ST3GAL6: variants seen among roughly 807,000 people sequenced by gnomAD.
ST3GAL6 encodes ST3 beta-galactoside alpha-2,3-sialyltransferase 6, also known as type 2 lactosamine alpha-2,3-sialyltransferase.
A neutral mutation model predicts 40.5 loss-of-function variants in ST3GAL6; 31 were observed. The ratio of observed to expected loss-of-function variants is 0.77; its 90% CI spans 0.58 to 1.03. The LOEUF (loss-of-function observed/expected upper bound fraction) is 1.03, where lower values mean the gene tolerates loss of function less well. Among genes scored for constraint, ST3GAL6 ranks in the 50% least tolerant of loss-of-function variants. The probability of loss-of-function intolerance (pLI) is 0.00; values close to 1 mark genes in which losing one functional copy is unlikely to be tolerated. For missense variants in ST3GAL6, 357 were observed against 393.2 expected (o/e 0.91, Z 0.78); for synonymous variants, 129 against 136.9 (o/e 0.94, Z 0.40).
intron 8 of ST3GAL6, among the ~76,000 whole-genome samples, chr3:98,789,339 G>T (rs188971461): frequency 6.0e-4 from 91 of 152,282 alleles, no homozygotes; most frequent in Admixed American, 1.1e-3. Context: ...CAAAAAGGAA[G>T]TCACCAGTCT....
chr3:98,759,953 A>C (rs1232558796), upstream of ST3GAL6, among the ~76,000 whole-genome samples: 1 of 152,186 alleles, frequency 6.6e-6, no homozygotes, highest in Non-Finnish European at 1.5e-5. Flanking sequence ...CAGGAAAGAC[A>C]GTGTCCAGGG....
chr3:98,777,936 TC>T (rs1489288859), intron 5 of ST3GAL6, among the ~76,000 whole-genome samples: 3 of 152,172 alleles, frequency 2.0e-5, no homozygotes, highest in African/African-American at 7.2e-5. Context: ...TCCATGTAGC[TC>T]CTCAGCACCA....
chr3:98,773,970 G>A lies in ST3GAL6; in HGVS notation c.322G>A (p.Asp108Asn). Residue 108 changes from aspartate to asparagine, a missense_variant, in exon 5 of 10, where the codon GAT (aspartate) becomes AAT (asparagine). Physicochemically the swap from Asp to Asn is conservative, Grantham distance 23. Coordinates refer to ENST00000483910, the MANE Select transcript of ST3GAL6 (RefSeq NM_001323368.2). The part of the protein sequence containing the change: ...LSKLQSCDLF[D>N]EFDNIPCKKC... ...AAAACTGCAGAGTTGTGATCTCTTT[G>A]ATGAGTTTGACAAGTGAGTTTATTT... 6.2e-7 allele frequency: 1 copy of A among 1,612,890 alleles called. No individual in the cohort carries two copies. The highest frequency in any genetic ancestry group is 8.5e-7 in the Non-Finnish European group (1 of 1,179,226).
intron 3 of ST3GAL6, 143 bp downstream of exon 3, chr3:98,771,099 C>G: frequency 2.0e-6 from 3 of 1,513,252 alleles, no homozygotes; most frequent in Non-Finnish European, 2.7e-6. Context: ...CTTGAATATC[C>G]TGTCTCTTTT....
chr3:98,772,033 C>G (rs1390698684), intron 3 of ST3GAL6, among the ~76,000 whole-genome samples: 3 of 152,110 alleles, frequency 2.0e-5, no homozygotes, highest in Non-Finnish European at 2.9e-5. Context: ...GGGTTGCAGA[C>G]CACAGGTTAA....
At chr3:98,779,664 G>C (rs909218446) in intron 5 of ST3GAL6, among the ~76,000 whole-genome samples, 1 of 152,182 alleles carries the variant, frequency 6.6e-6, no homozygotes, top group African/African-American at 2.4e-5. Context: ...GCTTTCACCT[G>C]GGGGAAGTGT....
At chr3:98,763,490 C>G in intron 1 of ST3GAL6, 51 bp downstream of exon 1, 1 of 1,285,932 alleles carries the variant, frequency 7.8e-7, no homozygotes, top group Non-Finnish European at 1.0e-6. Flanking sequence ...TGGCTTAAAT[C>G]TAGATGCTGC....
At chr3:98,770,633 T>C (rs1236309795) in intron 2 of ST3GAL6, 6 of 422,506 alleles carry the variant, frequency 1.4e-5, no homozygotes, top group Non-Finnish European at 2.5e-5. Context: ...ATCATTGCTC[T>C]TGGAATCACT....
intron 1 of ST3GAL6, among the ~76,000 whole-genome samples, chr3:98,758,301 C>T (rs1474550257): frequency 6.6e-6 from 1 of 152,166 alleles, no homozygotes; most frequent in African/African-American, 2.4e-5. Context: ...ATATCTGAAT[C>T]CTTCTCAACA....
rs1941475365 is a variant in ST3GAL6, at chr3:98,794,784, C to A, written c.*1023C>A. ...GGCGTGGTGGTATGCGCTGTAGTCC[C>A]AGGTACTCGGGAGGCTGAGGCACGA... is the stretch of plus-strand genomic sequence containing the variant. On this transcript the variant is annotated 3_prime_UTR_variant, in exon 10 of 10. Transcript: ENST00000483910. 2 of 152,202 alleles carry A rather than the reference C, an allele frequency of 1.3e-5. No homozygotes were observed. Among genetic ancestry groups the A allele is most frequent in the Non-Finnish European group, 2.9e-5 (2 of 68,136 alleles). 9.4% of individuals were successfully genotyped at this position (152,202 alleles called of 1,614,324 possible).
intron 1 of ST3GAL6, among the ~76,000 whole-genome samples, chr3:98,736,361 T>C (rs905865032): frequency 7.2e-5 from 11 of 152,224 alleles, no homozygotes; most frequent in African/African-American, 2.4e-4. Context: ...CTTTGAAAGA[T>C]GGTTTAAACA....
intron 4 of ST3GAL6, chr3:98,773,335 CA>C (rs1306141075): frequency 1.3e-5 from 2 of 153,292 alleles, no homozygotes; most frequent in Non-Finnish European, 2.9e-5. Context: ...TTAATTTAAC[CA>C]GTGGATATTT....
intron 5 of ST3GAL6, among the ~76,000 whole-genome samples, chr3:98,780,600 G>A (rs1271120688): frequency 6.6e-6 from 1 of 152,180 alleles, no homozygotes; most frequent in African/African-American, 2.4e-5. Context: ...TCCTTGAACT[G>A]CTGGGACCAT....
upstream of ST3GAL6, among the ~76,000 whole-genome samples, chr3:98,761,972 A>T (rs1281018918): frequency 6.6e-6 from 1 of 152,196 alleles, no homozygotes; most frequent in Non-Finnish European, 1.5e-5. Flanking sequence ...TCTCCTTTTT[A>T]TATTCTTTGC....
chr3:98,791,450 T>C (rs1941200651), intron 8 of ST3GAL6, among the ~76,000 whole-genome samples: 1 of 152,228 alleles, frequency 6.6e-6, no homozygotes, highest in Admixed American at 6.5e-5. Flanking sequence ...TGTCCTTATA[T>C]TTCATACACG....
chr3:98,786,227 TGAGA>T (rs752183023), intron 6 of ST3GAL6, among the ~76,000 whole-genome samples: 2 of 151,136 alleles, frequency 1.3e-5, no homozygotes, highest in East Asian at 1.9e-4. Flanking sequence ...AAGGAGAGAC[TGAGA>T]GAGAGAGAAG....
At chr3:98,734,308 G>T (rs533526974) in intron 1 of ST3GAL6, among the ~76,000 whole-genome samples, 68 of 152,312 alleles carry the variant, frequency 4.5e-4, no homozygotes, top group African/African-American at 1.6e-3. Context: ...GTTTCACTAA[G>T]AACGCTTTTC....
rs1576138458 is a variant in ST3GAL6 at position 98,791,874 on chromosome 3, A to G, written c.790A>G (p.Ile264Val). The change falls in exon 9 of 10, where the codon ATC (isoleucine) becomes GTC (valine). Residue 264 changes from isoleucine to valine, a missense_variant. Ile to Val is a conservative substitution (Grantham distance 29, BLOSUM62 3). Coordinates refer to ENST00000483910, the MANE Select transcript of ST3GAL6 (RefSeq NM_001323368.2). The part of the protein sequence containing the change: ...PKHPTTGIIA[I>V]TLAFYICHEV... Reference sequence around the variant, plus strand: ...ACACCCAACAACAGGAATTATTGCCATCACATTGGCGTTTTACATATGTCA... The same window carrying G: ...ACACCCAACAACAGGAATTATTGCCGTCACATTGGCGTTTTACATATGTCA... 1.9e-6 allele frequency: 3 copies of G among 1,613,686 alleles called. No individual in the cohort carries two copies. Among genetic ancestry groups the G allele is most frequent in the Middle Eastern group, 1.7e-4 (1 of 6,056 alleles).
chr3:98,782,259 C>A (rs1364639240), intron 5 of ST3GAL6: 3 of 703,350 alleles, frequency 4.3e-6, no homozygotes, highest in Non-Finnish European at 5.2e-6. Flanking sequence ...GCAAGGACTT[C>A]CAGTAGCTTC....
Sources: gnomAD v4.1 joint callset for allele counts (sites outside exome capture counted in the v4.1 genomes callset) on GRCh38, gnomAD v4.1.1 for gene constraint, MANE v1.5 for transcripts, NCBI Gene and HGNC (gene_info 2026-07-23, HGNC 2026-07-21) for gene names.